Variants in URB2 observed in about 807,000 individuals in gnomAD.
URB2 encodes unhealthy ribosome biogenesis protein 2 homolog.
In URB2, 86 loss-of-function variants were observed where a neutral mutation model predicts 120.9. The ratio of observed to expected loss-of-function variants is 0.71; its 90% CI spans 0.60 to 0.85. The LOEUF is 0.85. Among genes scored for constraint, URB2 ranks in the 40% least tolerant of loss-of-function variants. The pLI is 0.00. For missense variants in URB2, 1,765 were observed against 1,836.5 expected (o/e 0.96, Z 0.71); for synonymous variants, 755 against 758.4 (o/e 1.00, Z 0.07).
Position 229,635,977 on chromosome 1 carries a change from C to A in URB2, c.1364C>A (p.Thr455Asn), listed in dbSNP as rs752823556. The change falls in exon 4 of 10, where the codon ACT becomes AAT. Residue 455 changes from threonine (T) to asparagine (N), a missense_variant. Coordinates refer to ENST00000258243, the MANE Select transcript of URB2 (RefSeq NM_014777.4). ...TKKAQEALIR[T>N]VFQTYAKLRQ... is the part of the protein sequence containing the mutation. ...AAAGCCCAGGAGGCGCTTATTCGTA[C>A]TGTCTTCCAGACTTATGCCAAACTC... The A allele has an allele frequency of 6.2e-7, 1 of 1,614,218 alleles. No individual in the cohort carries two copies. Among genetic ancestry groups the A allele is most frequent in the Non-Finnish European group, 8.5e-7 (1 of 1,180,032 alleles).
At chr1:229,654,909 T>A (rs1050525779) in intron 9 of URB2, among the ~76,000 whole-genome samples, 2 of 152,154 alleles carry the variant, frequency 1.3e-5, no homozygotes, top group African/African-American at 4.8e-5. Flanking sequence ...TCGGGGTCTA[T>A]TTGGTTAGTT....
At position 229,634,055 on chromosome 1, in the gene URB2, C is replaced by T. The variant is rs373678206; in HGVS notation, c.304-862C>T. Among the ~76,000 whole-genome samples the T allele has an allele frequency of 9.2e-5, 14 of 152,214 alleles. No homozygotes were observed. The South Asian group carries it at 2.5e-3, about 27-fold the overall frequency. ...CCATGTTGACCAGGCTGTTCTCGAA[C>T]GCCTGGCCTCAAGTGATCCGCCCCG... is the stretch of plus-strand genomic sequence containing the variant. On this transcript the variant is annotated intron_variant, in intron 3 of 9. Transcript: ENST00000258243.
In URB2 at chr1:229,636,351, G is replaced by T. The variant is rs781066930; in HGVS notation, c.1738G>T (p.Val580Leu). The T allele has an allele frequency of 1.2e-6, 2 of 1,614,190 alleles. No homozygotes were observed. The highest frequency in any genetic ancestry group is 2.2e-5 in the East Asian group (1 of 44,890). ...CMMERMMREL[V>L]QPLLALLPDT... ...GATGGAGAGGATGATGAGGGAGCTC[G>T]TGCAGCCCCTGCTGGCCCTTCTCCC... The change falls in exon 4 of 10, where the codon GTG becomes TTG. Residue 580 changes from valine to leucine, a missense_variant. Physicochemically the swap from Val to Leu is conservative, Grantham distance 32. Transcript: ENST00000258243.
At chr1:229,648,237 A>G (rs1331996702) in intron 7 of URB2, among the ~76,000 whole-genome samples, 1 of 152,254 alleles carries the variant, frequency 6.6e-6, no homozygotes, top group African/African-American at 2.4e-5. Context: ...TTTAAATTAT[A>G]TTTAGATGGG....
Position 229,635,986 on chromosome 1 carries a change from A to C in URB2, c.1373A>C (p.Gln458Pro), listed in dbSNP as rs1382645671. The C allele has an allele frequency of 6.2e-7, 1 of 1,614,072 alleles. No homozygotes were observed. The highest frequency in any genetic ancestry group is 8.5e-7 in the Non-Finnish European group (1 of 1,179,920). The change falls in exon 4 of 10, where the codon CAG (glutamine) becomes CCG (proline). Residue 458 changes from glutamine to proline, a missense_variant. By Grantham distance (76) the Gln-to-Pro change is moderately conservative. Transcript: ENST00000258243. The part of the protein sequence containing the change: ...AQEALIRTVF[Q>P]TYAKLRQVPR... The stretch of plus-strand genomic sequence containing the variant: ...GAGGCGCTTATTCGTACTGTCTTCC[A>C]GACTTATGCCAAACTCCGACAAGTG...
intron 5 of URB2, among the ~76,000 whole-genome samples, chr1:229,644,063 T>C (rs1666081023): frequency 6.6e-6 from 1 of 152,238 alleles, no homozygotes. Context: ...CATACTGCCT[T>C]CATGCCAGCA....
chr1:229,637,045 T>G lies in URB2; in HGVS notation c.2432T>G (p.Phe811Cys), dbSNP rs754746904. Residue 811 changes from phenylalanine to cysteine, a missense_variant, in exon 4 of 10, where the codon TTC (phenylalanine) becomes TGC (cysteine). By Grantham distance (205) the Phe-to-Cys change is radical. Transcript: ENST00000258243. The stretch of plus-strand genomic sequence containing the variant: ...GAGATGCAGTCCCTTCATTCTGCTT[T>G]CTTAACGTGCGTAACCACAAGTTGC... The part of the protein sequence containing the change: ...FPEMQSLHSA[F>C]LTCVTTSCSS... 5.0e-5 allele frequency: 80 copies of G among 1,613,962 alleles called. No homozygotes were observed. Among genetic ancestry groups the G allele is most frequent in the Non-Finnish European group, 6.4e-5 (75 of 1,180,052 alleles).
At position 229,647,755 on chromosome 1, in the gene URB2, G is replaced by A. The variant is rs1388473691; in HGVS notation, c.4149+3G>A. 3 of 1,609,666 alleles carry A rather than the reference G, an allele frequency of 1.9e-6. No individual in the cohort carries two copies. The highest frequency in any genetic ancestry group is 2.5e-6 in the Non-Finnish European group (3 of 1,176,596). On this transcript the variant is annotated splice_donor_region_variant and intron_variant, in intron 7 of 9. Transcript: ENST00000258243. ...CAATCCTGCAGTGTCACCCTAAGGT[G>A]AGAAGGAGGGTGAGAGTGGCAGGCA...
At chr1:229,643,829 G>A in intron 5 of URB2, 136 bp downstream of exon 5, 1 of 1,211,358 alleles carries the variant, frequency 8.3e-7, no homozygotes, top group South Asian at 1.6e-5. Flanking sequence ...AAAGGGGGAG[G>A]CTGTGAGAGG....
rs774207720 is a variant in URB2 at position 229,638,043 on chromosome 1, G to T, written c.3430G>T (p.Asp1144Tyr). ...DGGADISQGS[D>Y]RTLLSHVALY... ...AGGGGCCGACATTTCCCAAGGAAGC[G>T]ACAGGACGCTGCTCTCCCATGTTGC... Residue 1144 changes from aspartate (D) to tyrosine (Y), a missense_variant, in exon 4 of 10, where the codon GAC becomes TAC. By Grantham distance (160) the Asp-to-Tyr change is radical. Coordinates refer to ENST00000258243, the MANE Select transcript of URB2 (RefSeq NM_014777.4). The T allele has an allele frequency of 6.2e-7, 1 of 1,613,682 alleles. No individual in the cohort carries two copies. Among genetic ancestry groups the T allele is most frequent in the African/African-American group, 1.3e-5 (1 of 75,034 alleles).
At chr1:229,650,508 G>A (rs1430722330) in intron 7 of URB2, among the ~76,000 whole-genome samples, 1 of 151,968 alleles carries the variant, frequency 6.6e-6, no homozygotes, top group Non-Finnish European at 1.5e-5. Flanking sequence ...TTGGCTCACT[G>A]TAACCTCTGT....
In URB2 at chr1:229,637,577, G is replaced by A. The variant is rs952276405; in HGVS notation, c.2964G>A (p.Glu988=). The change falls in exon 4 of 10, where the codon GAG becomes GAA. Residue 988 remains glutamate, a synonymous_variant. Coordinates refer to ENST00000258243, the MANE Select transcript of URB2 (RefSeq NM_014777.4). ...LFRASSRFLI[E]MDDPAWLEFL... Reference sequence around the variant, plus strand: ...GAGCTAGTAGTAGGTTCCTTATTGAGATGGATGATCCCGCTTGGCTGGAAT... The same window carrying A: ...GAGCTAGTAGTAGGTTCCTTATTGAAATGGATGATCCCGCTTGGCTGGAAT... 1 of 1,614,108 alleles carries A rather than the reference G, an allele frequency of 6.2e-7. No homozygotes were observed. The highest frequency in any genetic ancestry group is 1.3e-5 in the African/African-American group (1 of 74,942).
chr1:229,651,801 A>G (rs971546363), intron 8 of URB2, among the ~76,000 whole-genome samples: 1 of 152,246 alleles, frequency 6.6e-6, no homozygotes, highest in African/African-American at 2.4e-5. Flanking sequence ...GCCATATGGC[A>G]ATAGCATATA....
At chr1:229,652,013 C>G (rs1360857194) in intron 8 of URB2, among the ~76,000 whole-genome samples, 1 of 152,004 alleles carries the variant, frequency 6.6e-6, no homozygotes, top group East Asian at 1.9e-4. Flanking sequence ...GAAACCCTGT[C>G]TCTACTAAAA....
chr1:229,646,083 G>C (rs1666141647), intron 6 of URB2, 114 bp downstream of exon 6: 2 of 922,176 alleles, frequency 2.2e-6, no homozygotes, highest in South Asian at 1.5e-5. Flanking sequence ...ACGTGTGTGT[G>C]GGCTACTTCC....
chr1:229,634,776 T>A, intron 3 of URB2, 141 bp from the exon 4 acceptor site: 1 of 732,936 alleles, frequency 1.4e-6, no homozygotes, highest in Non-Finnish European at 2.0e-6. Flanking sequence ...TCAGGTTCAT[T>A]GAAATATGGT....
In URB2 at chr1:229,635,295, G is replaced by T; in HGVS notation, c.682G>T (p.Val228Leu). 2.5e-6 allele frequency: 4 copies of T among 1,614,234 alleles called. No individual in the cohort carries two copies. Among genetic ancestry groups the T allele is most frequent in the Non-Finnish European group, 3.4e-6 (4 of 1,180,030 alleles). The change falls in exon 4 of 10, where the codon GTG becomes TTG. Residue 228 changes from valine (V) to leucine (L), a missense_variant. Physicochemically the swap from Val to Leu is conservative, Grantham distance 32. Transcript: ENST00000258243. ...GGCTGGCCAGGGCCAGCTGAGGCAG[G>T]TGCTGAGCCGGGACATCAGGAGTCA... Reference protein sequence around the residue: ...TQAGQGQLRQVLSRDIRSQIE... With the variant: ...TQAGQGQLRQLLSRDIRSQIE...
chr1:229,634,559 G>T (rs1665743791), intron 3 of URB2, among the ~76,000 whole-genome samples: 1 of 152,114 alleles, frequency 6.6e-6, no homozygotes, highest in South Asian at 2.1e-4. Context: ...CTTTCCCTCT[G>T]CCTGGTAACA....
rs1290827348 is a variant in URB2 at position 229,635,428 on chromosome 1, A to G, written c.815A>G (p.Lys272Arg). 2 of 1,613,930 alleles carry G rather than the reference A, an allele frequency of 1.2e-6. No individual in the cohort carries two copies. The highest frequency in any genetic ancestry group is 1.7e-5 in the Admixed American group (1 of 59,988). The part of the protein sequence containing the change: ...QQGDVKTGAM[K>R]NLLAPMDTVL... The stretch of plus-strand genomic sequence containing the variant: ...GGGGATGTGAAGACGGGAGCCATGA[A>G]GAACCTTCTGGCTCCCATGGACACC... Residue 272 changes from lysine (K) to arginine (R), a missense_variant, in exon 4 of 10, where the codon AAG (lysine) becomes AGG (arginine). Coordinates refer to ENST00000258243, the MANE Select transcript of URB2 (RefSeq NM_014777.4).
Sources: gnomAD v4.1 joint callset for allele counts (sites outside exome capture counted in the v4.1 genomes callset) on GRCh38, gnomAD v4.1.1 for gene constraint, MANE v1.5 for transcripts, NCBI Gene and HGNC (gene_info 2026-07-23, HGNC 2026-07-21) for gene names.